Variants in RUNDC3B observed in about 807,000 individuals in gnomAD.
The protein encoded by RUNDC3B is RUN domain-containing protein 3B.
In RUNDC3B, 33 loss-of-function variants were observed where a neutral mutation model predicts 58.4. The ratio of observed to expected loss-of-function variants is 0.56; its 90% CI spans 0.43 to 0.75. The LOEUF is 0.75. Among genes scored for constraint, RUNDC3B ranks in the 30% least tolerant of loss-of-function variants. RUNDC3B has a pLI of 0.00. For missense variants in RUNDC3B, 501 were observed against 535.7 expected, an observed-to-expected ratio of 0.94 and a Z score of 0.64; for synonymous variants, 193 against 195.2, an observed-to-expected ratio of 0.99 and a Z score of 0.10.
intron 9 of RUNDC3B, among the ~76,000 whole-genome samples, chr7:87,811,589 G>A (rs1836720043): frequency 6.6e-6 from 1 of 152,018 alleles, no homozygotes; most frequent in Admixed American, 6.6e-5. Flanking sequence ...ACCCAAAGTG[G>A]GTCTTTGGCC....
chr7:87,822,295 C>G (rs1837509835), intron 10 of RUNDC3B, among the ~76,000 whole-genome samples: 1 of 152,200 alleles, frequency 6.6e-6, no homozygotes, highest in Non-Finnish European at 1.5e-5. Context: ...AAATGCTCAT[C>G]ATCACTGGCC....
chr7:87,740,078 G>A (rs774115556), intron 5 of RUNDC3B, among the ~76,000 whole-genome samples, 198 bp downstream of exon 5: 2 of 152,080 alleles, frequency 1.3e-5, no homozygotes, highest in Non-Finnish European at 2.9e-5. Context: ...GAAACTTAAT[G>A]AATTGATAGG....
intron 2 of RUNDC3B, among the ~76,000 whole-genome samples, chr7:87,657,815 G>A (rs528273934): frequency 1.3e-5 from 2 of 152,126 alleles, no homozygotes; most frequent in Non-Finnish European, 2.9e-5. Context: ...TAGTAATGAG[G>A]ATGCCCTTAT....
chr7:87,689,710 A>G (rs796688690), intron 2 of RUNDC3B, among the ~76,000 whole-genome samples: 8 of 152,252 alleles, frequency 5.3e-5, no homozygotes, highest in African/African-American at 1.9e-4. Context: ...CCCAGTTCCT[A>G]CATCTTTCTG....
chr7:87,829,755 C>T, intron 10 of RUNDC3B, 130 bp from the exon 11 acceptor site: 1 of 584,514 alleles, frequency 1.7e-6, no homozygotes. Context: ...GCAATTTGTT[C>T]TGTAGGTTTC....
At chr7:87,690,460 G>A (rs1157029514) in intron 2 of RUNDC3B, among the ~76,000 whole-genome samples, 1 of 152,016 alleles carries the variant, frequency 6.6e-6, no homozygotes, top group African/African-American at 2.4e-5. Context: ...CAAATACTTT[G>A]TTTCTAAGAT....
chr7:87,732,433 C>T (rs1291201016), intron 4 of RUNDC3B, among the ~76,000 whole-genome samples: 2 of 152,070 alleles, frequency 1.3e-5, no homozygotes. Flanking sequence ...AAAAAGCGTA[C>T]TTGGAGACCT....
intron 9 of RUNDC3B, among the ~76,000 whole-genome samples, chr7:87,809,522 A>G (rs1440397188): frequency 6.6e-6 from 1 of 152,194 alleles, no homozygotes; most frequent in Non-Finnish European, 1.5e-5. Context: ...TAACAGAATT[A>G]TAAGGATCAA....
chr7:87,828,261 G>T (rs1436587020), intron 10 of RUNDC3B, among the ~76,000 whole-genome samples: 4 of 152,114 alleles, frequency 2.6e-5, no homozygotes, highest in African/African-American at 9.6e-5. Flanking sequence ...GTATTTGCAG[G>T]TTTGTTACAT....
At chr7:87,708,219 G>T (rs1449396445) in intron 3 of RUNDC3B, among the ~76,000 whole-genome samples, 2 of 152,004 alleles carry the variant, frequency 1.3e-5, no homozygotes, top group Non-Finnish European at 2.9e-5. Context: ...TTTTTAAAAA[G>T]ATTAATGCAG....
At chr7:87,681,906 C>T (rs1826965525) in intron 2 of RUNDC3B, among the ~76,000 whole-genome samples, 1 of 152,190 alleles carries the variant, frequency 6.6e-6, no homozygotes, top group African/African-American at 2.4e-5. Flanking sequence ...TGAAAGGTTT[C>T]TCTCTAGCAT....
At chr7:87,720,445 C>CA (rs1011128040) in intron 4 of RUNDC3B, among the ~76,000 whole-genome samples, 4 of 151,052 alleles carry the variant, frequency 2.6e-5, no homozygotes, top group Non-Finnish European at 5.9e-5. Context: ...TGGTTTTATC[C>CA]AAAAAATCTA....
chr7:87,708,874 A>G (rs1239369874), intron 3 of RUNDC3B, among the ~76,000 whole-genome samples: 1 of 152,198 alleles, frequency 6.6e-6, no homozygotes. Context: ...ATAAAGCTCT[A>G]AAACAGGGCT....
At chr7:87,739,758 A>G in intron 4 of RUNDC3B, 33 bp from the exon 5 acceptor site, 2 of 993,452 alleles carry the variant, frequency 2.0e-6, no homozygotes, top group South Asian at 1.6e-5. Flanking sequence ...TTTATTTTTA[A>G]TATTTTATAT....
intron 2 of RUNDC3B, among the ~76,000 whole-genome samples, chr7:87,680,445 AACTT>A (rs1212678748): frequency 6.6e-6 from 1 of 150,794 alleles, no homozygotes; most frequent in Non-Finnish European, 1.5e-5. Context: ...AAACATTAAA[AACTT>A]ACTTAGAAAG....
At chr7:87,774,911 A>T (rs1037492129) in intron 7 of RUNDC3B, among the ~76,000 whole-genome samples, 2 of 152,226 alleles carry the variant, frequency 1.3e-5, no homozygotes, top group Non-Finnish European at 2.9e-5. Flanking sequence ...GCTAGTGTAA[A>T]TAAACCTATT....
intron 1 of RUNDC3B, among the ~76,000 whole-genome samples, chr7:87,638,744 A>C (rs185695879): frequency 1.1e-4 from 17 of 151,738 alleles, no homozygotes; most frequent in Admixed American, 1.1e-3. Flanking sequence ...TTTGCTAGGC[A>C]TTTATTAATT....
At chr7:87,634,428 C>T (rs1454736547) in intron 1 of RUNDC3B, among the ~76,000 whole-genome samples, 1 of 147,190 alleles carries the variant, frequency 6.8e-6, no homozygotes, top group Non-Finnish European at 1.5e-5. Context: ...TCGAGACCAG[C>T]CTGGCCAACA....
At chr7:87,730,149 C>A (rs1354695033) in intron 4 of RUNDC3B, among the ~76,000 whole-genome samples, 1 of 152,206 alleles carries the variant, frequency 6.6e-6, no homozygotes, top group African/African-American at 2.4e-5. Context: ...TGACCCTGCA[C>A]ATTCTCATCT....
Sources: gnomAD v4.1 joint callset for allele counts (sites outside exome capture counted in the v4.1 genomes callset) on GRCh38, gnomAD v4.1.1 for gene constraint, MANE v1.5 for transcripts, NCBI Gene and HGNC (gene_info 2026-07-23, HGNC 2026-07-21) for gene names.